The following SORBS2 variants were observed in gnomAD, a reference collection of about 807,000 sequenced individuals.
The protein encoded by SORBS2 is sorbin and SH3 domain containing 2.
Under a neutral mutation model 97.7 loss-of-function variants are expected in SORBS2, and 46 were observed. The ratio of observed to expected loss-of-function variants is 0.47; its 90% CI spans 0.37 to 0.60. The LOEUF is 0.60. Among genes scored for constraint, SORBS2 ranks in the 20% least tolerant of loss-of-function variants. SORBS2 has a pLI of 0.00. For synonymous variants in SORBS2, 476 were observed against 473.4 expected (o/e 1.01, Z -0.07); for missense variants, 1,316 against 1,282.3 (o/e 1.03, Z -0.40).
intron 1 of SORBS2, among the ~76,000 whole-genome samples, chr4:185,831,315 G>A (rs1158723625): frequency 6.6e-6 from 1 of 152,204 alleles, no homozygotes; most frequent in Non-Finnish European, 1.5e-5. Flanking sequence ...ATCCACAGAG[G>A]CTCTGTTGCT....
intron 1 of SORBS2, among the ~76,000 whole-genome samples, chr4:185,954,317 A>T (rs967808706): frequency 3.3e-5 from 5 of 152,230 alleles, no homozygotes; most frequent in African/African-American, 4.8e-5. Flanking sequence ...ACATACATTT[A>T]AAAAATCTTA....
chr4:185,705,402 T>C (rs1583112247), intron 2 of SORBS2, among the ~76,000 whole-genome samples: 3 of 152,016 alleles, frequency 2.0e-5, no homozygotes, highest in East Asian at 3.9e-4. Context: ...AAAAATTAGC[T>C]GGGTGTGGTG....
intron 4 of SORBS2, among the ~76,000 whole-genome samples, chr4:185,662,654 A>C (rs1009515127): frequency 1.3e-5 from 2 of 152,248 alleles, no homozygotes; most frequent in Non-Finnish European, 2.9e-5. Flanking sequence ...GTCCTTTGAC[A>C]TGAGGCAAGG....
intron 9 of SORBS2, among the ~76,000 whole-genome samples, chr4:185,616,604 G>T (rs1371877839): frequency 6.6e-6 from 1 of 151,822 alleles, no homozygotes; most frequent in East Asian, 2.0e-4. Flanking sequence ...CTATGAAAAA[G>T]ACTCTTTTGT....
chr4:185,882,331 G>C (rs1011367839), intron 1 of SORBS2, among the ~76,000 whole-genome samples: 1 of 152,060 alleles, frequency 6.6e-6, no homozygotes, highest in Non-Finnish European at 1.5e-5. Flanking sequence ...ATTTGAAAAA[G>C]TATTATGTAA....
chr4:185,950,603 C>A (rs933347418), intron 1 of SORBS2, among the ~76,000 whole-genome samples: 5 of 152,210 alleles, frequency 3.3e-5, no homozygotes, highest in African/African-American at 1.2e-4. Context: ...GTGATGAATG[C>A]CCCTTCCAGG....
At chr4:185,687,281 G>A (rs1261252354) in intron 2 of SORBS2, among the ~76,000 whole-genome samples, 1 of 152,136 alleles carries the variant, frequency 6.6e-6, no homozygotes, top group Non-Finnish European at 1.5e-5. Flanking sequence ...TCCTGGCTCA[G>A]CCTCCCAAAA....
chr4:185,656,822 A>G, exon 1 of SORBS2: 7 of 1,388,762 alleles, frequency 5.0e-6, no homozygotes, highest in Non-Finnish European at 6.5e-6. Context: ...AAAAAAATCC[A>G]AACACTTTCA....
chr4:185,875,746 CT>C (rs1561258283), intron 1 of SORBS2, among the ~76,000 whole-genome samples: 1 of 152,222 alleles, frequency 6.6e-6, no homozygotes, highest in Non-Finnish European at 1.5e-5. Context: ...CAGGTCCATG[CT>C]TACGTGCATA....
intron 1 of SORBS2, among the ~76,000 whole-genome samples, chr4:185,926,780 C>T (rs1273130700): frequency 6.6e-6 from 1 of 151,960 alleles, no homozygotes; most frequent in Non-Finnish European, 1.5e-5. Context: ...GCACAAGGAT[C>T]TTTATTTCTA....
chr4:185,819,949 T>A (rs1434847634), intron 1 of SORBS2, among the ~76,000 whole-genome samples: 1 of 152,244 alleles, frequency 6.6e-6, no homozygotes, highest in Non-Finnish European at 1.5e-5. Context: ...TCTTTGTGCT[T>A]CTGTTTCCTC....
chr4:185,674,775 A>G (rs987375477), intron 4 of SORBS2, among the ~76,000 whole-genome samples: 1 of 152,102 alleles, frequency 6.6e-6, no homozygotes. Context: ...TACATAAGAC[A>G]TTCCCTCTGC....
chr4:185,799,862 C>T lies in SORBS2; in HGVS notation c.-337-24496G>A, dbSNP rs1031587731. The stretch of plus-strand genomic sequence containing the variant: ...GTACCTCGGCTTACTTCACTGCAAT[C>T]GGCTTTCTAAACCAGAACTCCCACC... On this transcript the variant is annotated intron_variant, in intron 1 of 20. Transcript: ENST00000284776. Among the ~76,000 whole-genome samples the T allele has an allele frequency of 7.2e-5, 11 of 152,286 alleles. No individual in the cohort carries two copies. In the East Asian group the frequency reaches 1.5e-3, roughly 21 times the overall value.
Position 185,607,009 on chromosome 4 carries a change from G to C in SORBS2, c.2796+4771C>G. 1 of 1,008,032 alleles carries C rather than the reference G, an allele frequency of 9.9e-7. No individual in the cohort carries two copies. The highest frequency in any genetic ancestry group is 1.2e-6 in the Non-Finnish European group (1 of 843,382). The allele number at this position is 1,008,032 out of a possible 1,614,324, so 62.4% of individuals were successfully genotyped here. On this transcript the variant is annotated intron_variant, in intron 12 of 14. Transcript: ENST00000418609. The surrounding 1 kb of genome is among the most constrained non-coding windows in gnomAD (Gnocchi z 5.2). ...AAGAGGCTCTGCATGGTAAGGCTGG[G>C]CTGCAGCCGAGGCCACACCCGCGTG...
intron 1 of SORBS2, among the ~76,000 whole-genome samples, chr4:185,894,606 G>A (rs1246163130): frequency 4.6e-5 from 7 of 152,054 alleles, no homozygotes; most frequent in South Asian, 2.1e-4. Context: ...GTCTTACCTC[G>A]CAAGGCACCA....
At chr4:185,730,641 G>A (rs2098611386) in intron 2 of SORBS2, among the ~76,000 whole-genome samples, 1 of 152,242 alleles carries the variant, frequency 6.6e-6, no homozygotes, top group Non-Finnish European at 1.5e-5. Context: ...CTCCTTGGGT[G>A]AACAGCTGCA....
intron 1 of SORBS2, among the ~76,000 whole-genome samples, chr4:185,840,940 G>C (rs533438103): frequency 1.2e-3 from 178 of 152,286 alleles, no homozygotes; most frequent in African/African-American, 4.2e-3. Flanking sequence ...GCAAGAGGGA[G>C]GGGAGGGAGA....
intron 6 of SORBS2, among the ~76,000 whole-genome samples, chr4:185,624,750 A>G (rs1313823449): frequency 1.3e-5 from 2 of 152,242 alleles, no homozygotes; most frequent in Non-Finnish European, 2.9e-5. Context: ...TATAAGAAGC[A>G]ACCGACGTAA....
intron 1 of SORBS2, among the ~76,000 whole-genome samples, chr4:185,827,081 CCATCATCACCAT>C (rs1561210501): frequency 5.5e-5 from 5 of 90,464 alleles, no homozygotes; most frequent in African/African-American, 1.2e-4. Flanking sequence ...ATCATCATCA[CCATCATCACCAT>C]CATCATCACC....
Sources: gnomAD v4.1 joint callset for allele counts (sites outside exome capture counted in the v4.1 genomes callset) on GRCh38, gnomAD v4.1.1 for gene constraint, Gnocchi (gnomAD v3.1) non-coding constraint, MANE v1.5 for transcripts, NCBI Gene and HGNC (gene_info 2026-07-23, HGNC 2026-07-21) for gene names.